Variants in SUGCT observed in about 807,000 individuals in gnomAD.
The protein encoded by SUGCT is succinyl-CoA:glutarate-CoA transferase, also known as succinyl-CoA:glutarate CoA-transferase.
In SUGCT, 41 loss-of-function variants were observed where a neutral mutation model predicts 55.0. The ratio of observed to expected loss-of-function variants is 0.74; its 90% CI spans 0.58 to 0.97. The LOEUF is 0.97. Ranked by LOEUF, SUGCT falls within the 50% of genes least tolerant of loss-of-function variation. The probability of loss-of-function intolerance (pLI) is 0.00; values close to 1 mark genes in which losing one functional copy is unlikely to be tolerated. For synonymous variants in SUGCT, 187 were observed against 200.4 expected, an observed-to-expected ratio of 0.93 and a Z score of 0.56; for missense variants, 568 against 547.8, an observed-to-expected ratio of 1.04 and a Z score of -0.37.
intron 7 of SUGCT, among the ~76,000 whole-genome samples, chr7:40,241,002 T>G (rs1346183217): frequency 6.6e-6 from 1 of 152,206 alleles, no homozygotes; most frequent in African/African-American, 2.4e-5. Flanking sequence ...ACTGGATTAT[T>G]GTGAACTAAT....
chr7:40,932,752 C>CTTTT, the SUGCT span, among the ~76,000 whole-genome samples: 30 of 127,808 alleles, frequency 2.3e-4, no homozygotes, highest in African/African-American at 7.6e-4. Flanking sequence ...GCAACCTCTG[C>CTTTT]TTTTTTTTTT....
intron 12 of SUGCT, among the ~76,000 whole-genome samples, chr7:40,599,890 C>G (rs965710227): frequency 6.6e-6 from 1 of 152,124 alleles, no homozygotes. Context: ...GAACCGGCAC[C>G]ATGTGCTCTG....
At chr7:40,425,105 A>G (rs1314173303) in intron 9 of SUGCT, among the ~76,000 whole-genome samples, 1 of 152,142 alleles carries the variant, frequency 6.6e-6, no homozygotes, top group African/African-American at 2.4e-5. Context: ...ATTACAGTGT[A>G]AGTGGTTGTA....
the SUGCT span, among the ~76,000 whole-genome samples, chr7:40,906,818 G>A: frequency 3.3e-5 from 5 of 152,174 alleles, no homozygotes; most frequent in Non-Finnish European, 7.3e-5. Flanking sequence ...GAGAGGAGAA[G>A]TAGAATAAGC....
chr7:40,294,729 T>C (rs903275809), intron 8 of SUGCT, among the ~76,000 whole-genome samples: 2 of 152,048 alleles, frequency 1.3e-5, no homozygotes, highest in Non-Finnish European at 2.9e-5. Flanking sequence ...GTACTTTTAG[T>C]AGAGATGGGG....
At chr7:40,770,542 C>T (rs1256509610) in intron 13 of SUGCT, among the ~76,000 whole-genome samples, 4 of 152,088 alleles carry the variant, frequency 2.6e-5, no homozygotes, top group African/African-American at 9.7e-5. Flanking sequence ...CCAACTATTT[C>T]GGGAGAAGGT....
chr7:40,950,909 T>G, the SUGCT span, among the ~76,000 whole-genome samples: 2 of 152,222 alleles, frequency 1.3e-5, no homozygotes, highest in African/African-American at 4.8e-5. Context: ...GATATTGGAC[T>G]ACAATTCTCT....
chr7:40,786,377 G>A (rs183879685), intron 13 of SUGCT, among the ~76,000 whole-genome samples: 29 of 152,308 alleles, frequency 1.9e-4, no homozygotes, highest in Admixed American at 1.7e-3. Context: ...TATATTCAAT[G>A]TAACACTTTT....
At chr7:40,529,818 A>G (rs930378022) in intron 12 of SUGCT, among the ~76,000 whole-genome samples, 9 of 152,222 alleles carry the variant, frequency 5.9e-5, no homozygotes, top group Admixed American at 2.6e-4. Flanking sequence ...CGCAATTACT[A>G]TGCACCAACC....
At chr7:40,675,106 G>T (rs2151876750) in intron 12 of SUGCT, among the ~76,000 whole-genome samples, 1 of 151,000 alleles carries the variant, frequency 6.6e-6, no homozygotes. Context: ...TGTTGCCTGG[G>T]CTGGAGTGTA....
At chr7:40,575,660 C>T (rs1329514821) in intron 12 of SUGCT, among the ~76,000 whole-genome samples, 1 of 151,574 alleles carries the variant, frequency 6.6e-6, no homozygotes, top group African/African-American at 2.4e-5. Context: ...TAAGAGTTAT[C>T]TGAGGCTGGG....
chr7:40,982,478 A>T, the SUGCT span, among the ~76,000 whole-genome samples: 2 of 152,108 alleles, frequency 1.3e-5, no homozygotes, highest in African/African-American at 4.8e-5. Flanking sequence ...ATAATGAAAT[A>T]CCCTGGACTA....
chr7:40,180,159 G>A (rs1217778572), intron 1 of SUGCT, among the ~76,000 whole-genome samples: 1 of 151,272 alleles, frequency 6.6e-6, no homozygotes, highest in Non-Finnish European at 1.5e-5. Context: ...GTGTCTTGCT[G>A]TGTCGCTCAG....
intron 12 of SUGCT, among the ~76,000 whole-genome samples, chr7:40,623,593 AT>A (rs1171385127): frequency 6.6e-6 from 1 of 152,148 alleles, no homozygotes; most frequent in Admixed American, 6.5e-5. Context: ...AATTCCAAGA[AT>A]TTTTTTGTAG....
At chr7:40,365,941 A>G (rs1783928666) in intron 9 of SUGCT, among the ~76,000 whole-genome samples, 8 of 152,228 alleles carry the variant, frequency 5.3e-5, no homozygotes. Context: ...ACCAAAAAAG[A>G]GCTCACATCG....
At chr7:40,367,353 A>T (rs1326256869) in intron 9 of SUGCT, among the ~76,000 whole-genome samples, 1 of 151,866 alleles carries the variant, frequency 6.6e-6, no homozygotes, top group African/African-American at 2.4e-5. Flanking sequence ...CCAGCATGGC[A>T]CATGTATACA....
intron 9 of SUGCT, among the ~76,000 whole-genome samples, chr7:40,377,166 CTTT>C: frequency 6.3e-5 from 1 of 15,910 alleles, no homozygotes; most frequent in African/African-American, 1.0e-4. Context: ...TTCTTTCTTT[CTTT>C]CTTTCTTTCT....
chr7:40,164,696 TGTGA>T (rs2150658240), intron 1 of SUGCT, among the ~76,000 whole-genome samples: 1 of 152,326 alleles, frequency 6.6e-6, no homozygotes, highest in South Asian at 2.1e-4. Context: ...GTGATTCTTT[TGTGA>T]GTGATTGTGT....
chr7:40,989,334 A>T, the SUGCT span, among the ~76,000 whole-genome samples: 1 of 152,186 alleles, frequency 6.6e-6, no homozygotes, highest in Non-Finnish European at 1.5e-5. Context: ...AACTTAGTTT[A>T]TGTACTATTC....
Sources: allele counts gnomAD v4.1 joint callset (sites outside exome capture counted in the v4.1 genomes callset), GRCh38; gene constraint gnomAD v4.1.1; transcripts MANE v1.5; gene names NCBI Gene and HGNC (gene_info 2026-07-23, HGNC 2026-07-21).